The following BICD1 variants were observed in gnomAD, a reference collection of about 807,000 sequenced individuals.
The protein encoded by BICD1 is BICD cargo adaptor 1, also known as protein bicaudal D homolog 1.
In BICD1, 35 loss-of-function variants were observed where a neutral mutation model predicts 92.5. That is an observed-to-expected ratio of 0.38 (90% CI 0.29 to 0.50). The LOEUF (loss-of-function observed/expected upper bound fraction) is 0.50, where lower values mean the gene tolerates loss of function less well. BICD1 is among the 20% of genes least tolerant of loss of function. The pLI, the probability that BICD1 is intolerant of heterozygous loss-of-function variation, is 0.93. For synonymous variants in BICD1, 429 were observed against 465.1 expected, an observed-to-expected ratio of 0.92 and a Z score of 1.00; for missense variants, 950 against 1,189.8, an observed-to-expected ratio of 0.80 and a Z score of 2.97.
chr12:32,234,945 A>G (rs1363610898), intron 2 of BICD1, among the ~76,000 whole-genome samples: 1 of 152,162 alleles, frequency 6.6e-6, no homozygotes, highest in African/African-American at 2.4e-5. Context: ...TCAGCCTCCC[A>G]AAGTGCTGGG....
At chr12:32,259,417 T>C (rs1052085344) in intron 2 of BICD1, among the ~76,000 whole-genome samples, 4 of 152,220 alleles carry the variant, frequency 2.6e-5, no homozygotes, top group Admixed American at 6.5e-5. Flanking sequence ...AAGCAATGTA[T>C]CAGTGGACTG....
intron 2 of BICD1, among the ~76,000 whole-genome samples, chr12:32,251,372 C>A (rs1412024416): frequency 6.6e-6 from 1 of 152,160 alleles, no homozygotes; most frequent in African/African-American, 2.4e-5. Context: ...AACTTTGTGG[C>A]TTAAAGCAAC....
At chr12:32,256,143 C>T (rs1946713531) in intron 2 of BICD1, among the ~76,000 whole-genome samples, 1 of 152,042 alleles carries the variant, frequency 6.6e-6, no homozygotes, top group Admixed American at 6.5e-5. Context: ...ACCTTGACCC[C>T]CTGGGCTCAA....
intron 2 of BICD1, among the ~76,000 whole-genome samples, chr12:32,261,747 G>C (rs886213645): frequency 6.6e-6 from 1 of 152,190 alleles, no homozygotes; most frequent in Non-Finnish European, 1.5e-5. Context: ...AGCAAGGCCT[G>C]GTGGAACTTG....
At chr12:32,284,109 A>G (rs927089167) in intron 2 of BICD1, among the ~76,000 whole-genome samples, 1 of 151,966 alleles carries the variant, frequency 6.6e-6, no homozygotes, top group African/African-American at 2.4e-5. Flanking sequence ...ACTGTTGTCC[A>G]CTCCTGTCTG....
intron 1 of BICD1, among the ~76,000 whole-genome samples, chr12:32,116,492 TTC>T (rs1157756905): frequency 1.6e-5 from 2 of 122,996 alleles, no homozygotes; most frequent in East Asian, 2.6e-4. Flanking sequence ...CTCTCTCTCT[TTC>T]TCTCTCTCTC....
At chr12:32,339,624 G>A in intron 8 of BICD1, 1 of 984,992 alleles carries the variant, frequency 1.0e-6, no homozygotes, top group East Asian at 1.1e-4. Context: ...GTTCTATGAA[G>A]AGGCCTAACT....
intron 2 of BICD1, among the ~76,000 whole-genome samples, chr12:32,233,653 T>A (rs1945968085): frequency 6.6e-6 from 1 of 152,080 alleles, no homozygotes; most frequent in African/African-American, 2.4e-5. Flanking sequence ...ATCCATTTTG[T>A]ACATATTGAT....
At chr12:32,149,820 C>G (rs1797502) in intron 1 of BICD1, among the ~76,000 whole-genome samples, 151,835 of 152,338 alleles carry the variant, frequency 1, 75,670 homozygotes, top group Middle Eastern at 1. Flanking sequence ...GAACAAACAG[C>G]CTCCCTCAAG....
chr12:32,342,805 G>A (rs1938430775), intron 8 of BICD1, among the ~76,000 whole-genome samples: 2 of 152,216 alleles, frequency 1.3e-5, no homozygotes, highest in South Asian at 4.2e-4. Context: ...TCTATGAGAT[G>A]GTAAACAGAA....
chr12:32,351,193 G>A (rs1476116627), intron 8 of BICD1, among the ~76,000 whole-genome samples: 2 of 149,362 alleles, frequency 1.3e-5, no homozygotes, highest in South Asian at 4.2e-4. Flanking sequence ...TCCATAACTT[G>A]AAAATTTTGT....
At chr12:32,272,935 G>T (rs1010587236) in intron 2 of BICD1, among the ~76,000 whole-genome samples, 2 of 152,136 alleles carry the variant, frequency 1.3e-5, no homozygotes, top group African/African-American at 2.4e-5. Context: ...AAACCCACAG[G>T]ACTTTATTTG....
chr12:32,294,201 A>T (rs1947799932), intron 3 of BICD1, 55 bp downstream of exon 3: 2 of 1,485,340 alleles, frequency 1.3e-6, no homozygotes. Flanking sequence ...TCTTCTGACC[A>T]CTAGGGTTAA....
chr12:32,345,594 T>C (rs1282502682), intron 8 of BICD1, among the ~76,000 whole-genome samples: 1 of 152,222 alleles, frequency 6.6e-6, no homozygotes. Flanking sequence ...TTTTTTTCAC[T>C]TGATGTATCT....
chr12:32,203,805 G>A (rs184366657), intron 1 of BICD1, among the ~76,000 whole-genome samples: 84 of 150,474 alleles, frequency 5.6e-4, no homozygotes, highest in African/African-American at 2.0e-3. Flanking sequence ...TTGGCCTCTC[G>A]AACCTGTGCT....
chr12:32,191,344 CAAAT>C (rs535234512), intron 1 of BICD1, among the ~76,000 whole-genome samples: 4 of 151,814 alleles, frequency 2.6e-5, no homozygotes, highest in Non-Finnish European at 5.9e-5. Context: ...AGAGAGAACT[CAAAT>C]AAATGAAATT....
intron 2 of BICD1, among the ~76,000 whole-genome samples, chr12:32,286,796 T>C (rs1947581347): frequency 6.6e-6 from 1 of 152,142 alleles, no homozygotes; most frequent in East Asian, 1.9e-4. Flanking sequence ...GGGCCTAAAA[T>C]GTACCAGGTA....
At chr12:32,347,337 T>C (rs2136298495) in intron 8 of BICD1, among the ~76,000 whole-genome samples, 1 of 151,962 alleles carries the variant, frequency 6.6e-6, no homozygotes, top group South Asian at 2.1e-4. Context: ...CTTTTTAAAA[T>C]AGATACATAT....
At chr12:32,185,483 T>C (rs1483813292) in intron 1 of BICD1, among the ~76,000 whole-genome samples, 4 of 152,230 alleles carry the variant, frequency 2.6e-5, no homozygotes, top group Admixed American at 2.0e-4. Flanking sequence ...TTCTGAGATA[T>C]GGGCTGAAGG....
Sources: allele counts gnomAD v4.1 joint callset (sites outside exome capture counted in the v4.1 genomes callset), GRCh38; gene constraint gnomAD v4.1.1; transcripts MANE v1.5; gene names NCBI Gene and HGNC (gene_info 2026-07-23, HGNC 2026-07-21).